ANK2: variants seen among roughly 807,000 people sequenced by gnomAD.
ANK2 encodes ankyrin 2.
Under a neutral mutation model 360.5 loss-of-function variants are expected in ANK2, and 83 were observed. The ratio of observed to expected loss-of-function variants is 0.23; its 90% CI spans 0.19 to 0.28. ANK2 has a LOEUF of 0.28. Ranked by LOEUF, ANK2 falls within the 10% of genes least tolerant of loss-of-function variation. ANK2 has a pLI of 1.00. For missense variants in ANK2, 4,201 were observed against 4,795.7 expected (o/e 0.88, Z 3.66); for synonymous variants, 1,740 against 1,759.5 (o/e 0.99, Z 0.28).
intron 1 of ANK2, among the ~76,000 whole-genome samples, chr4:113,103,609 T>C (rs142611380): frequency 6.6e-6 from 1 of 152,244 alleles, no homozygotes; most frequent in East Asian, 1.9e-4. Flanking sequence ...CTAATCAAAA[T>C]CCAGTTAAAA....
chr4:113,379,499 A>T lies in ANK2; in HGVS notation c.11860-1958A>T, dbSNP rs562081289. Among the ~76,000 whole-genome samples, 3 of 152,338 alleles carry T rather than the reference A, an allele frequency of 2.0e-5. No individual in the cohort carries two copies. In the South Asian group the frequency reaches 6.2e-4, roughly 32 times the overall value. On this transcript the variant is annotated intron_variant, in intron 45 of 45. Transcript: ENST00000357077. Reference sequence around the variant, plus strand: ...CATTGGCCTACATTTGCCTACACAGAATATCACGAAATGTCCTATAATGGA... The same window carrying T: ...CATTGGCCTACATTTGCCTACACAGTATATCACGAAATGTCCTATAATGGA...
chr4:112,713,368 G>A, the ANK2 span, among the ~76,000 whole-genome samples: 1 of 152,146 alleles, frequency 6.6e-6, no homozygotes, highest in Non-Finnish European at 1.5e-5. Flanking sequence ...TCGGGCATTC[G>A]AGAGCAGCCT....
chr4:113,171,618 G>T (rs2097955151), intron 1 of ANK2, among the ~76,000 whole-genome samples: 1 of 152,116 alleles, frequency 6.6e-6, no homozygotes, highest in Non-Finnish European at 1.5e-5. Context: ...AGTGGTCTTT[G>T]GCAGAATGGC....
the ANK2 span, among the ~76,000 whole-genome samples, chr4:112,765,720 G>A: frequency 2.1e-5 from 3 of 144,826 alleles, no homozygotes; most frequent in African/African-American, 7.7e-5. Flanking sequence ...ATGTCTGAGA[G>A]CTCTAAAATT....
At chr4:113,267,432 C>T (rs540784459) in intron 14 of ANK2, among the ~76,000 whole-genome samples, 7 of 152,086 alleles carry the variant, frequency 4.6e-5, no homozygotes, top group African/African-American at 9.6e-5. Flanking sequence ...TTGTATAAGA[C>T]GTAAGAGAGG....
intron 35 of ANK2, 73 bp downstream of exon 35, chr4:113,346,095 G>A: frequency 6.3e-7 from 1 of 1,579,700 alleles, no homozygotes; most frequent in South Asian, 1.1e-5. Flanking sequence ...TTAGGTCAGT[G>A]CAAAAGTAAT....
chr4:113,310,375 A>AG, intron 23 of ANK2, among the ~76,000 whole-genome samples: 1 of 151,726 alleles, frequency 6.6e-6, no homozygotes, highest in East Asian at 1.9e-4. Context: ...AATTTTGGGG[A>AG]GTAGGGGTGG....
intron 2 of ANK2, among the ~76,000 whole-genome samples, chr4:112,930,635 T>C (rs1354434146): frequency 6.6e-6 from 1 of 151,828 alleles, no homozygotes; most frequent in Non-Finnish European, 1.5e-5. Flanking sequence ...ATGCCTGTAA[T>C]CCCAGGACTT....
the ANK2 span, among the ~76,000 whole-genome samples, chr4:112,763,035 T>G: frequency 2.0e-5 from 3 of 152,216 alleles, no homozygotes; most frequent in Admixed American, 1.3e-4. Context: ...AAGTGCTAAT[T>G]TGGATCAGTG....
At chr4:113,338,766 G>T (rs1057191142) in intron 31 of ANK2, among the ~76,000 whole-genome samples, 2 of 151,804 alleles carry the variant, frequency 1.3e-5, no homozygotes, top group Non-Finnish European at 2.9e-5. Flanking sequence ...AGCCAGGATG[G>T]TCTTGATCTC....
chr4:112,829,491 C>CAAAAAAAAAAAAAAAAAAAAAAAAAAAAA lies in ANK2; in HGVS notation c.-40+11246_-40+11247insAAAAAAAAAAAAAAAAAAAAAAAAAAAAA, dbSNP rs60272903. ...GCAACATAGTATGAGCCCATCTCTA[C>CAAAAAAAAAAAAAAAAAAAAAAAAAAAAA]AAAAAAAAAAAAAAAAAAAGGAAGG... On this transcript the variant is annotated intron_variant, in intron 1 of 30. Transcript: ENST00000503271. Among the ~76,000 whole-genome samples the CAAAAAAAAAAAAAAAAAAAAAAAAAAAAA allele has an allele frequency of 1.7e-3, 103 of 60,686 alleles. 8 individuals are homozygous for CAAAAAAAAAAAAAAAAAAAAAAAAAAAAA. The highest frequency in any genetic ancestry group is 2.6e-3 in the East Asian group (8 of 3,054). The allele number at this position is 60,686 out of a possible 152,430, so 39.8% of individuals were successfully genotyped here. A position where few individuals can be genotyped will look rare whatever the true frequency, so the allele number is the denominator to read the frequency against.
At chr4:112,770,544 A>G in the ANK2 span, among the ~76,000 whole-genome samples, 19,588 of 152,126 alleles carry the variant, frequency 0.13, 1,402 homozygotes, top group Middle Eastern at 0.19. Flanking sequence ...TGTCTCTACT[A>G]AAAATACAAA....
chr4:113,312,724 G>A (rs866384803), intron 24 of ANK2, among the ~76,000 whole-genome samples: 1 of 152,144 alleles, frequency 6.6e-6, no homozygotes, highest in African/African-American at 2.4e-5. Context: ...GCAAAGGCTC[G>A]CAGGGTGTAT....
chr4:113,263,638 AG>A (rs1463159248), intron 13 of ANK2, among the ~76,000 whole-genome samples: 3 of 152,260 alleles, frequency 2.0e-5, no homozygotes, highest in Non-Finnish European at 4.4e-5. Flanking sequence ...ACAAGGAATC[AG>A]AAGAAATTAT....
At chr4:113,220,136 T>C (rs886497242) in intron 4 of ANK2, among the ~76,000 whole-genome samples, 1 of 152,198 alleles carries the variant, frequency 6.6e-6, no homozygotes, top group Non-Finnish European at 1.5e-5. Flanking sequence ...ATTTTCTTGT[T>C]CAGACTCAAA....
At chr4:113,211,898 A>AC (rs1554278078) in intron 4 of ANK2, among the ~76,000 whole-genome samples, 25 of 151,814 alleles carry the variant, frequency 1.6e-4, no homozygotes, top group African/African-American at 5.1e-4. Context: ...TCTCAGAAGT[A>AC]TTTTTTTTGT....
chr4:112,869,130 A>T (rs2150226250), intron 1 of ANK2, among the ~76,000 whole-genome samples: 1 of 152,000 alleles, frequency 6.6e-6, no homozygotes, highest in East Asian at 1.9e-4. Context: ...CAGCTAATTT[A>T]AAATTTTTTA....
intron 22 of ANK2, among the ~76,000 whole-genome samples, chr4:113,298,574 A>C (rs988901806): frequency 6.6e-6 from 1 of 152,156 alleles, no homozygotes; most frequent in Non-Finnish European, 1.5e-5. Flanking sequence ...TATTTTCTAC[A>C]TTTTTCATAT....
chr4:113,263,576 A>C (rs956118101), intron 13 of ANK2, among the ~76,000 whole-genome samples: 1 of 152,228 alleles, frequency 6.6e-6, no homozygotes, highest in African/African-American at 2.4e-5. Flanking sequence ...ACTGTGAACT[A>C]TGTGCCAAAT....
Sources: allele counts gnomAD v4.1 joint callset (sites outside exome capture counted in the v4.1 genomes callset), GRCh38; gene constraint gnomAD v4.1.1; transcripts MANE v1.5; gene names NCBI Gene and HGNC (gene_info 2026-07-23, HGNC 2026-07-21).